ZNF704: variants seen among roughly 807,000 people sequenced by gnomAD.
The protein encoded by ZNF704 is zinc finger protein 704, also known as glucocorticoid induced gene 1.
A neutral mutation model predicts 44.7 loss-of-function variants in ZNF704; 10 were observed. The observed-to-expected ratio is 0.22, with a 90% CI of 0.14 to 0.38. ZNF704 has a LOEUF of 0.38. Ranked by LOEUF, ZNF704 falls within the 10% of genes least tolerant of loss-of-function variation. ZNF704 has a pLI of 1.00. For missense variants in ZNF704, 390 were observed against 545.5 expected (o/e 0.71, Z 2.84); for synonymous variants, 211 against 207.6 (o/e 1.02, Z -0.14).
intron 1 of ZNF704, among the ~76,000 whole-genome samples, chr8:80,838,364 A>G (rs1050731392): frequency 5.3e-5 from 8 of 152,200 alleles, no homozygotes; most frequent in Non-Finnish European, 1.2e-4. Context: ...CAAAAAATAT[A>G]TATTACACAA....
intron 1 of ZNF704, among the ~76,000 whole-genome samples, chr8:80,847,866 T>C (rs1441588971): frequency 6.6e-6 from 1 of 152,220 alleles, no homozygotes; most frequent in East Asian, 1.9e-4. Context: ...GAAAGCACTG[T>C]GACATTTTCT....
chr8:80,716,125 G>T (rs1819068973), intron 2 of ZNF704, among the ~76,000 whole-genome samples: 1 of 151,730 alleles, frequency 6.6e-6, no homozygotes, highest in African/African-American at 2.4e-5. Context: ...GAGATGAACA[G>T]ATGGATCCCT....
chr8:80,745,151 A>G lies in ZNF704; in HGVS notation c.222-52044T>C, dbSNP rs73692120. On this transcript the variant is annotated intron_variant, in intron 2 of 8. Coordinates refer to ENST00000327835, the MANE Select transcript of ZNF704 (RefSeq NM_001033723.3). Reference sequence around the variant, plus strand: ...CTTTTTCCTTAGTTTCGCTGTAAATATAGGTATCAGTGTCTCAATATATTT... The same window carrying G: ...CTTTTTCCTTAGTTTCGCTGTAAATGTAGGTATCAGTGTCTCAATATATTT... 3.0e-3 allele frequency among the ~76,000 whole-genome samples: 457 copies of G among 152,322 alleles called. 6 individuals are homozygous for G. The highest frequency in any genetic ancestry group is 0.011 in the African/African-American group (445 of 41,578).
chr8:80,878,464 C>T (rs926474544), upstream of ZNF704, among the ~76,000 whole-genome samples: 1 of 151,808 alleles, frequency 6.6e-6, no homozygotes, highest in Non-Finnish European at 1.5e-5. Flanking sequence ...CTTTTTTGTC[C>T]CTGTGAAACT....
At chr8:80,692,975 C>T (rs571079306) in intron 3 of ZNF704, 29 bp downstream of exon 3, 1 of 1,603,956 alleles carries the variant, frequency 6.2e-7, no homozygotes, top group Non-Finnish European at 8.5e-7. Flanking sequence ...TCAAGGGGCC[C>T]TTCCCTAAGT....
At chr8:80,721,568 T>A (rs1351105518) in intron 2 of ZNF704, among the ~76,000 whole-genome samples, 2 of 152,210 alleles carry the variant, frequency 1.3e-5, no homozygotes, top group Non-Finnish European at 2.9e-5. Context: ...ATATGTAAAA[T>A]TTGGTTAAAA....
intron 2 of ZNF704, among the ~76,000 whole-genome samples, chr8:80,748,307 T>C (rs569593919): frequency 2.6e-5 from 4 of 152,328 alleles, no homozygotes; most frequent in South Asian, 4.1e-4. Context: ...AGCCTAAGTA[T>C]GCTTGAGAGC....
rs1343080808 is a variant in ZNF704, at chr8:80,639,165, G to A, written c.*2201C>T. The A allele has an allele frequency of 1.3e-5, 2 of 152,250 alleles. No individual in the cohort carries two copies. Among genetic ancestry groups the A allele is most frequent in the African/African-American group, 4.8e-5 (2 of 41,472 alleles). 9.4% of individuals were successfully genotyped at this position (152,250 alleles called of 1,614,324 possible). A position where few individuals can be genotyped will look rare whatever the true frequency, so the allele number is the denominator to read the frequency against. On this transcript the variant is annotated 3_prime_UTR_variant, in exon 9 of 9. Coordinates refer to ENST00000327835, the MANE Select transcript of ZNF704 (RefSeq NM_001033723.3). Reference sequence around the variant, plus strand: ...CTATTAGTAACAGTCCAACGATCAAGGGCCAGGGAGCTTTGCTGAAGAGAA... The same window carrying A: ...CTATTAGTAACAGTCCAACGATCAAAGGCCAGGGAGCTTTGCTGAAGAGAA...
intron 2 of ZNF704, among the ~76,000 whole-genome samples, chr8:80,770,797 CTACT>C (rs1375214664): frequency 6.6e-6 from 1 of 152,088 alleles, no homozygotes; most frequent in African/African-American, 2.4e-5. Flanking sequence ...AGATTTTCTC[CTACT>C]GTTTCTTTTA....
Position 80,656,197 on chromosome 8 carries a change from C to G in ZNF704, c.1032+3388G>C, listed in dbSNP as rs146664268. Among the ~76,000 whole-genome samples, 5 of 152,238 alleles carry G rather than the reference C, an allele frequency of 3.3e-5. No individual in the cohort carries two copies. The East Asian group carries it at 9.7e-4, about 30-fold the overall frequency. On this transcript the variant is annotated intron_variant, in intron 7 of 8. Coordinates refer to ENST00000327835, the MANE Select transcript of ZNF704 (RefSeq NM_001033723.3). ...TCTCTCTCTCGATTTCTCTCTCTCT[C>G]TCTTTCTCTCTCGACTGTGCATGCA... is the stretch of plus-strand genomic sequence containing the variant.
chr8:80,783,406 T>C (rs573922588), intron 2 of ZNF704, among the ~76,000 whole-genome samples: 4 of 152,264 alleles, frequency 2.6e-5, no homozygotes, highest in Admixed American at 6.5e-5. Flanking sequence ...CTGTGGTGGT[T>C]TGCTGCACAG....
chr8:80,843,548 T>C (rs767286685), intron 1 of ZNF704, among the ~76,000 whole-genome samples: 1 of 152,232 alleles, frequency 6.6e-6, no homozygotes, highest in Non-Finnish European at 1.5e-5. Flanking sequence ...GCCAGAAACA[T>C]GTACATTCTT....
chr8:80,847,627 A>G (rs912209419), intron 1 of ZNF704, among the ~76,000 whole-genome samples: 4 of 152,188 alleles, frequency 2.6e-5, no homozygotes, highest in Non-Finnish European at 5.9e-5. Context: ...GAGCACATCA[A>G]TGAAACAGAA....
chr8:80,791,364 G>A (rs2129749142), intron 2 of ZNF704, among the ~76,000 whole-genome samples: 1 of 152,308 alleles, frequency 6.6e-6, no homozygotes, highest in East Asian at 1.9e-4. Flanking sequence ...AATCTGCCCA[G>A]AAAGGGGGAA....
intron 7 of ZNF704, among the ~76,000 whole-genome samples, chr8:80,649,414 G>A (rs1817879986): frequency 6.6e-6 from 1 of 152,184 alleles, no homozygotes; most frequent in African/African-American, 2.4e-5. Context: ...CCCTTTCCTA[G>A]TCAAAGAAAG....
At chr8:80,830,205 A>T (rs1808446716) in intron 1 of ZNF704, among the ~76,000 whole-genome samples, 1 of 152,122 alleles carries the variant, frequency 6.6e-6, no homozygotes, top group Non-Finnish European at 1.5e-5. Context: ...GGGATGATGG[A>T]CGAGAGAGAA....
At chr8:80,682,699 C>G (rs903952476) in intron 4 of ZNF704, among the ~76,000 whole-genome samples, 1 of 152,218 alleles carries the variant, frequency 6.6e-6, no homozygotes, top group Admixed American at 6.5e-5. Context: ...TTCTCAAATT[C>G]CCCATTCAGG....
intron 1 of ZNF704, among the ~76,000 whole-genome samples, chr8:80,866,036 T>C (rs1809149161): frequency 6.6e-6 from 1 of 152,228 alleles, no homozygotes; most frequent in African/African-American, 2.4e-5. Flanking sequence ...CCATTTCATC[T>C]AGTAAATAAG....
At chr8:80,745,756 G>C (rs1806833455) in intron 2 of ZNF704, among the ~76,000 whole-genome samples, 1 of 152,088 alleles carries the variant, frequency 6.6e-6, no homozygotes, top group Non-Finnish European at 1.5e-5. Flanking sequence ...ATGCACATGA[G>C]CATGACCAAA....
Sources: gnomAD v4.1 joint callset for allele counts (sites outside exome capture counted in the v4.1 genomes callset) on GRCh38, gnomAD v4.1.1 for gene constraint, MANE v1.5 for transcripts, NCBI Gene and HGNC (gene_info 2026-07-23, HGNC 2026-07-21) for gene names.